Variants in ULK1 observed in about 807,000 individuals in gnomAD.
ULK1 encodes the protein unc-51 like autophagy activating kinase 1.
ULK1 carries 48 observed loss-of-function variants against 117.5 expected under a neutral mutation model. The ratio of observed to expected loss-of-function variants is 0.41; its 90% CI spans 0.32 to 0.52. The LOEUF is 0.52. Ranked by LOEUF, ULK1 falls within the 20% of genes least tolerant of loss-of-function variation. The probability of loss-of-function intolerance (pLI) is 0.29; values close to 1 mark genes in which losing one functional copy is unlikely to be tolerated. For missense variants in ULK1, 1,387 were observed against 1,473.4 expected (o/e 0.94, Z 0.96); for synonymous variants, 790 against 637.8 (o/e 1.24, Z -3.60).
In ULK1 at chr12:131,919,524, G is replaced by A. The variant is rs763172649; in HGVS notation, c.2737G>A (p.Gly913Ser). Residue 913 changes from glycine to serine, a missense_variant, in exon 25 of 28, where the codon GGC becomes AGC. By Grantham distance (56) the Gly-to-Ser change is moderately conservative. Coordinates refer to ENST00000321867, the MANE Select transcript of ULK1 (RefSeq NM_003565.4). Reference sequence around the variant, plus strand: ...GAAGGTGGCCGAGCTACTGTCCTCCGGCCTGCAAAGTGCCATCGACCAGAT... The same window carrying A: ...GAAGGTGGCCGAGCTACTGTCCTCCAGCCTGCAAAGTGCCATCGACCAGAT... The part of the protein sequence containing the change: ...YLKVAELLSS[G>S]LQSAIDQIRA... The A allele has an allele frequency of 2.0e-5, 32 of 1,612,078 alleles. No individual in the cohort carries two copies. Among genetic ancestry groups the A allele is most frequent in the Non-Finnish European group, 2.5e-5 (29 of 1,179,630 alleles).
At chr12:131,920,610 G>T (rs1438568094) in intron 26 of ULK1, 7 of 191,362 alleles carry the variant, frequency 3.7e-5, no homozygotes, top group Non-Finnish European at 6.5e-5. Context: ...TTGCACTGTT[G>T]CCCAGGCTGA....
At chr12:131,920,246 T>C (rs1890092599) in intron 26 of ULK1, 110 bp downstream of exon 26, 1 of 1,399,682 alleles carries the variant, frequency 7.1e-7, no homozygotes, top group Non-Finnish European at 9.6e-7. Context: ...TTGGGGGGTG[T>C]CACTTCTGGA....
intron 5 of ULK1, 98 bp downstream of exon 5, chr12:131,907,629 T>G (rs1889329429): frequency 6.9e-7 from 1 of 1,440,748 alleles, no homozygotes; most frequent in Non-Finnish European, 9.4e-7. Context: ...CTGGCTCGAG[T>G]GGGTCCTTGG....
At position 131,910,264 on chromosome 12, in the gene ULK1, T is replaced by C. The variant is rs748301142; in HGVS notation, c.819T>C (p.Phe273=). Residue 273 remains phenylalanine, a synonymous_variant, in exon 11 of 28, where the codon TTT becomes TTC. Transcript: ENST00000321867. The part of the protein sequence containing the change: ...HKDRMDFDEF[F]HHPFLDASPS... Reference sequence around the variant, plus strand: ...TCCTTCCTCCTGCAGATGAGTTTTTTCATCACCCTTTCCTCGATGCCAGCC... The same window carrying C: ...TCCTTCCTCCTGCAGATGAGTTTTTCCATCACCCTTTCCTCGATGCCAGCC... The C allele has an allele frequency of 1.2e-6, 2 of 1,613,800 alleles. No individual in the cohort carries two copies. The highest frequency in any genetic ancestry group is 1.7e-6 in the Non-Finnish European group (2 of 1,179,986).
intron 3 of ULK1, among the ~76,000 whole-genome samples, chr12:131,905,874 G>C (rs1266173564): frequency 6.6e-6 from 1 of 152,148 alleles, no homozygotes; most frequent in Non-Finnish European, 1.5e-5. Context: ...GGAAAGGGCG[G>C]GGTACTGGTG....
At chr12:131,901,864 G>A (rs1453285738) in intron 3 of ULK1, among the ~76,000 whole-genome samples, 2 of 152,100 alleles carry the variant, frequency 1.3e-5, no homozygotes, top group African/African-American at 4.8e-5. Flanking sequence ...GTCTTCCTGA[G>A]GGTCTCTGCA....
chr12:131,898,955 T>G (rs1158157630), intron 3 of ULK1, among the ~76,000 whole-genome samples: 1 of 151,064 alleles, frequency 6.6e-6, no homozygotes, highest in South Asian at 2.1e-4. Context: ...CTTGGCTCAC[T>G]GCAACCTCCA....
chr12:131,904,412 T>C (rs1889195553), intron 3 of ULK1, among the ~76,000 whole-genome samples: 1 of 152,230 alleles, frequency 6.6e-6, no homozygotes, highest in South Asian at 2.1e-4. Context: ...CCTCCCAACA[T>C]GCTGGGATGA....
rs780581453 is a variant in ULK1, at chr12:131,919,544, C to G, written c.2757C>G (p.Asp919Glu). The G allele has an allele frequency of 3.2e-5, 51 of 1,612,260 alleles. No homozygotes were observed. Among genetic ancestry groups the G allele is most frequent in the Non-Finnish European group, 4.2e-5 (49 of 1,179,638 alleles). ...LLSSGLQSAI[D>E]QIRAGKLCLS... ...CCTCCGGCCTGCAAAGTGCCATCGA[C>G]CAGATCCGGGCCGGCAAGCTCTGCC... Residue 919 changes from aspartate to glutamate, a missense_variant, in exon 25 of 28, where the codon GAC (aspartate) becomes GAG (glutamate). This residue lies in a region of ULK1 where 900 missense variants were observed against 858.9 expected (regional missense o/e 1.05). Transcript: ENST00000321867.
At chr12:131,901,006 C>T (rs1889062731) in intron 3 of ULK1, among the ~76,000 whole-genome samples, 1 of 150,904 alleles carries the variant, frequency 6.6e-6, no homozygotes, top group Admixed American at 6.6e-5. Context: ...AGGGCCCAGG[C>T]AGTTCTGGAA....
At chr12:131,919,101 G>A in intron 23 of ULK1, 111 bp from the exon 24 acceptor site, 2 of 1,291,670 alleles carry the variant, frequency 1.5e-6, no homozygotes, top group Non-Finnish European at 2.1e-6. Context: ...GGCTGCAGCA[G>A]GGGAGGGTAC....
rs1185508978 is a variant in ULK1 at position 131,903,119 on chromosome 12, G to T, written c.247-3773G>T. Among the ~76,000 whole-genome samples, 1 of 152,148 alleles carries T rather than the reference G, an allele frequency of 6.6e-6. No homozygotes were observed. Among genetic ancestry groups the T allele is most frequent in the Non-Finnish European group, 1.5e-5 (1 of 68,018 alleles). ...CCCTAGAGAGAGTCGCTGCCTGTGG[G>T]AAGGGTGGACAGGCCCAGCTGGGGG... On this transcript the variant is annotated intron_variant, in intron 3 of 27. Coordinates refer to ENST00000321867, the MANE Select transcript of ULK1 (RefSeq NM_003565.4). The surrounding 1 kb of genome is among the most constrained non-coding windows in gnomAD (Gnocchi z 6.0).
intron 3 of ULK1, among the ~76,000 whole-genome samples, chr12:131,896,296 A>G (rs1888867346): frequency 6.6e-6 from 1 of 152,166 alleles, no homozygotes; most frequent in South Asian, 2.1e-4. Context: ...GCCGGGGCAC[A>G]GGCGGCTGCC....
At position 131,921,451 on chromosome 12, in the gene ULK1, C is replaced by T. The variant is rs548396528; in HGVS notation, c.*90C>T. On this transcript the variant is annotated 3_prime_UTR_variant, in exon 28 of 28. Coordinates refer to ENST00000321867, the MANE Select transcript of ULK1 (RefSeq NM_003565.4). Reference sequence around the variant, plus strand: ...TGGACTCCTCGGGACAAGCCCATGGCGCTGATCGCTGGTGCTGAGCCCTGC... The same window carrying T: ...TGGACTCCTCGGGACAAGCCCATGGTGCTGATCGCTGGTGCTGAGCCCTGC... 8.9e-6 allele frequency: 14 copies of T among 1,568,648 alleles called. No individual in the cohort carries two copies. Among genetic ancestry groups the T allele is most frequent in the Non-Finnish European group, 1.1e-5 (13 of 1,155,558 alleles).
intron 12 of ULK1, 82 bp downstream of exon 12, chr12:131,910,882 G>A (rs1185578673): frequency 1.1e-5 from 17 of 1,576,926 alleles, no homozygotes; most frequent in Admixed American, 3.6e-5. Flanking sequence ...CCGCGGGGAC[G>A]TGCTGTGACT....
In ULK1 at chr12:131,918,881, T is replaced by G. The variant is rs999821823; in HGVS notation, c.2511+200T>G. ...GGTGTCGGGTGTGTGGGGTGTCGGG[T>G]GTGTGGGGTGTAGGGTGTGGGGTGT... On this transcript the variant is annotated intron_variant, in intron 23 of 27. Coordinates refer to ENST00000321867, the MANE Select transcript of ULK1 (RefSeq NM_003565.4). 3.9e-3 allele frequency among the ~76,000 whole-genome samples: 40 copies of G among 10,338 alleles called. 1 individual carries two copies. The highest frequency in any genetic ancestry group is 6.4e-3 in the East Asian group (2 of 312). The allele number at this position is 10,338 out of a possible 152,430, so 6.8% of individuals were successfully genotyped here. A position where few individuals can be genotyped will look rare whatever the true frequency, so the allele number is the denominator to read the frequency against.
chr12:131,909,718 G>T (rs1175000608), intron 8 of ULK1, 57 bp from the exon 9 acceptor site: 1 of 1,494,256 alleles, frequency 6.7e-7, no homozygotes, highest in East Asian at 2.4e-5. Flanking sequence ...CCGAGACCCC[G>T]TGGGCTGGTC....
At position 131,894,963 on chromosome 12, in the gene ULK1, C is replaced by T. The variant is rs1332036911; in HGVS notation, c.-39C>T. The T allele has an allele frequency of 9.8e-7, 1 of 1,023,740 alleles. No homozygotes were observed. Among genetic ancestry groups the T allele is most frequent in the African/African-American group, 1.8e-5 (1 of 55,762 alleles). 63.4% of individuals were successfully genotyped at this position (1,023,740 alleles called of 1,614,324 possible). A position where few individuals can be genotyped will look rare whatever the true frequency, so the allele number is the denominator to read the frequency against. ...CCGCCTGAGTCCCCCGCGCCTTGGCCCGCCACCCCCCGCCCCGCGCCCCCG... is the reference window on the plus strand; with the variant it reads ...CCGCCTGAGTCCCCCGCGCCTTGGCTCGCCACCCCCCGCCCCGCGCCCCCG... On this transcript the variant is annotated 5_prime_UTR_variant, in exon 1 of 28. Transcript: ENST00000321867.
Position 131,918,478 on chromosome 12 carries a change from C to T in ULK1, c.2327-19C>T, listed in dbSNP as rs1593275645. On this transcript the variant is annotated intron_variant, in intron 22 of 27. Transcript: ENST00000321867. ...TGTCTGCTGGTCCTGGTGTGCCCCT[C>T]ATCGCCCTCTCCCTGCAGCGGGCCC... The T allele has an allele frequency of 4.4e-6, 7 of 1,604,654 alleles. No individual in the cohort carries two copies. The highest frequency in any genetic ancestry group is 5.9e-6 in the Non-Finnish European group (7 of 1,176,520).
Sources: allele counts gnomAD v4.1 joint callset (sites outside exome capture counted in the v4.1 genomes callset), GRCh38; gene constraint gnomAD v4.1.1; regional missense constraint gnomAD v4.1.1; non-coding constraint Gnocchi (gnomAD v3.1); transcripts MANE v1.5; gene names NCBI Gene and HGNC (gene_info 2026-07-23, HGNC 2026-07-21).